KLF8: variants seen among roughly 807,000 people sequenced by gnomAD.
KLF8 encodes the protein KLF transcription factor 8.
In KLF8, 10 loss-of-function variants were observed where a neutral mutation model predicts 18.2. That is an observed-to-expected ratio of 0.55 (90% CI 0.34 to 0.93). The LOEUF (loss-of-function observed/expected upper bound fraction) is 0.93, where lower values mean the gene tolerates loss of function less well. Among genes scored for constraint, KLF8 ranks in the 40% least tolerant of loss-of-function variants. KLF8 has a pLI of 0.02. For synonymous variants in KLF8, 109 were observed against 97.3 expected, an observed-to-expected ratio of 1.12 and a Z score of -0.71; for missense variants, 264 against 277.9, an observed-to-expected ratio of 0.95 and a Z score of 0.36.
the KLF8 span, among the ~76,000 whole-genome samples, chrX:56,039,428 G>A: frequency 3.9e-4 from 44 of 111,685 alleles, no homozygotes; most frequent in South Asian, 0.016. Context: ...TTCTGCCTAT[G>A]GGTAGCCAGC....
At chrX:55,988,993 G>A in the KLF8 span, among the ~76,000 whole-genome samples, 1 of 111,355 alleles carries the variant, frequency 9.0e-6, no homozygotes, top group South Asian at 3.8e-4. Flanking sequence ...TCATGATTTG[G>A]CTCTCTGTTT....
intron 5 of KLF8, among the ~76,000 whole-genome samples, chrX:56,274,577 A>G (rs763575231): frequency 4.5e-5 from 5 of 112,158 alleles, no homozygotes; most frequent in Non-Finnish European, 7.5e-5. Context: ...ATTGCTCAAC[A>G]AATCTTTGCC....
chrX:56,202,272 T>G, the KLF8 span, among the ~76,000 whole-genome samples: 1 of 110,839 alleles, frequency 9.0e-6, no homozygotes, highest in Admixed American at 9.7e-5. Flanking sequence ...TGTTGGGTTT[T>G]TTTGTTTGTT....
the KLF8 span, among the ~76,000 whole-genome samples, chrX:55,927,163 A>G: frequency 2.7e-5 from 3 of 112,025 alleles, no homozygotes; most frequent in Non-Finnish European, 5.6e-5. Context: ...TAGATTTCTC[A>G]GTTTTGGCAT....
chrX:56,197,269 A>C, the KLF8 span, among the ~76,000 whole-genome samples: 9 of 110,270 alleles, frequency 8.2e-5, no homozygotes, highest in Middle Eastern at 4.6e-3. Flanking sequence ...TAGAGACACA[A>C]AAAAAAAACC....
At chrX:56,008,449 C>T in the KLF8 span, among the ~76,000 whole-genome samples, 479 of 111,749 alleles carry the variant, frequency 4.3e-3, 4 homozygotes, top group Non-Finnish European at 3.2e-3. Context: ...CCACCCGCAA[C>T]GAAGGGAGGC....
chrX:56,007,154 G>A, the KLF8 span, among the ~76,000 whole-genome samples: 26 of 112,123 alleles, frequency 2.3e-4, no homozygotes, highest in Non-Finnish European at 4.3e-4. Context: ...TGCACTGCTA[G>A]AGTTCTGAGT....
the KLF8 span, among the ~76,000 whole-genome samples, chrX:55,910,198 T>A: frequency 9.0e-6 from 1 of 111,711 alleles, no homozygotes; most frequent in Non-Finnish European, 1.9e-5. Flanking sequence ...CAAAATTACA[T>A]TGTGTTATTA....
the KLF8 span, among the ~76,000 whole-genome samples, chrX:56,002,409 TTGTGTGTA>T: frequency 0.095 from 6,599 of 69,103 alleles, 369 homozygotes; most frequent in African/African-American, 0.29. Flanking sequence ...ATTAATCAAT[TTGTGTGTA>T]TGTGTGTGTG....
the KLF8 span, among the ~76,000 whole-genome samples, chrX:56,112,471 A>G: frequency 8.9e-6 from 1 of 111,837 alleles, no homozygotes; most frequent in African/African-American, 3.3e-5. Flanking sequence ...CCAGAACTTA[A>G]AGTATAATAA....
At chrX:55,979,300 C>G in the KLF8 span, among the ~76,000 whole-genome samples, 1 of 111,997 alleles carries the variant, frequency 8.9e-6, no homozygotes, top group Non-Finnish European at 1.9e-5. Context: ...TGAATCATCT[C>G]TTTGCCCAGC....
chrX:56,053,088 C>A, the KLF8 span, among the ~76,000 whole-genome samples: 2 of 112,256 alleles, frequency 1.8e-5, no homozygotes, highest in Non-Finnish European at 3.8e-5. Context: ...TGACCTCTTG[C>A]ACTTCCCAAG....
At chrX:55,988,097 A>G in the KLF8 span, among the ~76,000 whole-genome samples, 1 of 111,864 alleles carries the variant, frequency 8.9e-6, no homozygotes, top group South Asian at 3.7e-4. Context: ...GATTCTGGAT[A>G]TTAGCCCTTT....
chrX:56,261,173 C>A (rs968371414), intron 2 of KLF8, among the ~76,000 whole-genome samples: 2 of 111,451 alleles, frequency 1.8e-5, no homozygotes, highest in Admixed American at 1.9e-4. Context: ...ATAAATAACT[C>A]TTTTTATATT....
the KLF8 span, among the ~76,000 whole-genome samples, chrX:56,205,506 G>A: frequency 9.0e-6 from 1 of 111,708 alleles, no homozygotes; most frequent in African/African-American, 3.3e-5. Flanking sequence ...GCATCCCAGG[G>A]ATTGCACTTG....
intron 5 of KLF8, among the ~76,000 whole-genome samples, chrX:56,281,870 G>T (rs962176365): frequency 2.7e-5 from 3 of 112,710 alleles, no homozygotes; most frequent in Admixed American, 9.4e-5. Context: ...CTTGTTCAAT[G>T]ATAATACAAG....
rs939799945 is a variant in KLF8, at chrX:56,291,473, T to C, written c.*6979T>C. Among the ~76,000 whole-genome samples, 6 of 111,889 alleles carry C rather than the reference T, an allele frequency of 5.4e-5. No individual in the cohort carries two copies. The highest frequency in any genetic ancestry group is 1.6e-4 in the African/African-American group (5 of 30,790). On this transcript the variant is annotated 3_prime_UTR_variant, in exon 6 of 6. Transcript: ENST00000468660. ...GGGTGTGTGCTTGGGGACTAAGCAA[T>C]CTTGTTCAGTTTAATTATTGTACTT...
At chrX:56,147,301 C>G in the KLF8 span, among the ~76,000 whole-genome samples, 1 of 111,517 alleles carries the variant, frequency 9.0e-6, no homozygotes, top group Admixed American at 9.5e-5. Context: ...GAATGAAATT[C>G]AACTGTAAGG....
At chrX:56,251,493 C>T (rs1416678475) in intron 2 of KLF8, among the ~76,000 whole-genome samples, 2 of 110,476 alleles carry the variant, frequency 1.8e-5, no homozygotes, top group Non-Finnish European at 3.8e-5. Context: ...GACGGAGTCT[C>T]GCTTTGTCAC....
Sources: allele counts gnomAD v4.1 joint callset (sites outside exome capture counted in the v4.1 genomes callset), GRCh38; gene constraint gnomAD v4.1.1; transcripts MANE v1.5; gene names NCBI Gene and HGNC (gene_info 2026-07-23, HGNC 2026-07-21).